PAX3: variants seen among roughly 807,000 people sequenced by gnomAD.
PAX3 encodes the protein paired box 3.
PAX3 carries 14 observed loss-of-function variants against 51.6 expected under a neutral mutation model. The ratio of observed to expected loss-of-function variants is 0.27; its 90% CI spans 0.18 to 0.42. The LOEUF (loss-of-function observed/expected upper bound fraction) is 0.42, where lower values mean the gene tolerates loss of function less well. Among genes scored for constraint, PAX3 ranks in the 10% least tolerant of loss-of-function variants. The pLI is 1.00. For missense variants in PAX3, 540 were observed against 642.8 expected, an observed-to-expected ratio of 0.84 and a Z score of 1.73; for synonymous variants, 280 against 253.4, an observed-to-expected ratio of 1.11 and a Z score of -1.00.
At position 222,297,244 on chromosome 2, in the gene PAX3, A is replaced by T. The variant is rs376941714; in HGVS notation, c.86-31T>A. Reference sequence around the variant, plus strand: ...GGAAGGTGAAAAAGAGAAGCAAGGGAAAAGTCACTGGAGGAAAATAAAAAG... The same window carrying T: ...GGAAGGTGAAAAAGAGAAGCAAGGGTAAAGTCACTGGAGGAAAATAAAAAG... On this transcript the variant is annotated intron_variant, in intron 1 of 8. Coordinates refer to ENST00000392070, the MANE Select transcript of PAX3 (RefSeq NM_181458.4). The T allele has an allele frequency of 6.4e-4, 943 of 1,474,142 alleles. 11 individuals carry two copies. The highest frequency in any genetic ancestry group is 6.1e-3 in the South Asian group (505 of 82,672). 91.3% of individuals were successfully genotyped at this position (1,474,142 alleles called of 1,614,324 possible).
intron 4 of PAX3, among the ~76,000 whole-genome samples, chr2:222,245,013 T>G (rs1324954253): frequency 6.6e-6 from 1 of 152,122 alleles, no homozygotes; most frequent in Non-Finnish European, 1.5e-5. Flanking sequence ...CTGGATATGA[T>G]GGTGCACACC....
intron 4 of PAX3, among the ~76,000 whole-genome samples, chr2:222,240,867 A>T (rs1388094786): frequency 6.6e-6 from 1 of 152,202 alleles, no homozygotes; most frequent in Non-Finnish European, 1.5e-5. Flanking sequence ...AATTGTTTTT[A>T]ACGGCTTTTT....
chr2:222,240,063 C>T (rs1158119687), intron 4 of PAX3, among the ~76,000 whole-genome samples: 1 of 152,046 alleles, frequency 6.6e-6, no homozygotes, highest in African/African-American at 2.4e-5. Flanking sequence ...AAATAAGCTC[C>T]TGCCAGGTTG....
chr2:222,215,094 C>T (rs2106060203), intron 7 of PAX3, among the ~76,000 whole-genome samples: 2 of 152,118 alleles, frequency 1.3e-5, no homozygotes, highest in Middle Eastern at 6.8e-3. Flanking sequence ...AACAGAACTT[C>T]CTCTTTTCAG....
rs1044472042 is a variant in PAX3 at position 222,254,777 on chromosome 2, A to G, written c.587-22494T>C. On this transcript the variant is annotated intron_variant, in intron 4 of 8. Transcript: ENST00000392070. ...TTTAAGGCTCACTATTAAGCTTTAC[A>G]TTTTCTATTCTTTTCTTTTTTCTGA... Among the ~76,000 whole-genome samples the G allele has an allele frequency of 7.6e-4, 115 of 152,128 alleles. 2 individuals carry two copies. Among genetic ancestry groups the G allele is most frequent in the Middle Eastern group, 6.8e-3 (2 of 294 alleles).
rs1695460650 is a variant in PAX3, at chr2:222,298,908, A to C, written c.-293T>G. The C allele has an allele frequency of 5.8e-6, 3 of 516,022 alleles. No individual in the cohort carries two copies. Among genetic ancestry groups the C allele is most frequent in the East Asian group, 3.4e-5 (1 of 29,834 alleles). The allele number at this position is 516,022 out of a possible 1,614,324, so 32.0% of individuals were successfully genotyped here. On this transcript the variant is annotated 5_prime_UTR_variant, in exon 1 of 9. Transcript: ENST00000392070. ...TGTTCCAGCGACTGGGGTCCCTGAA[A>C]AGGGGGCTCAGAGAGCCACGGCGAG...
intron 6 of PAX3, 108 bp downstream of exon 6, chr2:222,221,114 A>T: frequency 9.5e-7 from 1 of 1,048,122 alleles, no homozygotes; most frequent in Non-Finnish European, 1.5e-6. Context: ...GATGTATTAC[A>T]ATTAACAACA....
rs189139166 is a variant in PAX3 at position 222,295,503 on chromosome 2, G to C, written c.451+25C>G. On this transcript the variant is annotated intron_variant, in intron 3 of 8. Transcript: ENST00000392070. Reference sequence around the variant, plus strand: ...TAATAGCGACTGACTGTCGCGCCTCGGGGAGAGGTTAATGGGCCTAGTACC... The same window carrying C: ...TAATAGCGACTGACTGTCGCGCCTCCGGGAGAGGTTAATGGGCCTAGTACC... The C allele has an allele frequency of 1.1e-4, 171 of 1,613,962 alleles. 1 individual carries two copies. In the African/African-American group the frequency reaches 1.7e-3, roughly 16 times the overall value.
chr2:222,247,488 A>T (rs564303043), intron 4 of PAX3, among the ~76,000 whole-genome samples: 1 of 152,032 alleles, frequency 6.6e-6, no homozygotes, highest in African/African-American at 2.4e-5. Flanking sequence ...TCAGCAGAAA[A>T]CTCTTTACTC....
At chr2:222,243,958 C>G (rs1693115773) in intron 4 of PAX3, among the ~76,000 whole-genome samples, 1 of 152,154 alleles carries the variant, frequency 6.6e-6, no homozygotes, top group Non-Finnish European at 1.5e-5. Context: ...GGGATACCTA[C>G]TGTGCAAGAA....
At chr2:222,215,613 T>C (rs920766868) in intron 7 of PAX3, among the ~76,000 whole-genome samples, 1 of 152,144 alleles carries the variant, frequency 6.6e-6, no homozygotes, top group Non-Finnish European at 1.5e-5. Context: ...AAAGAAAAGT[T>C]AATTAGAAGA....
At chr2:222,227,397 A>G (rs1207797284) in intron 5 of PAX3, among the ~76,000 whole-genome samples, 1 of 152,140 alleles carries the variant, frequency 6.6e-6, no homozygotes, top group Non-Finnish European at 1.5e-5. Context: ...GGAGTTTGAG[A>G]CCAGCCTTGG....
intron 4 of PAX3, among the ~76,000 whole-genome samples, chr2:222,281,186 G>A (rs1694634071): frequency 6.6e-6 from 1 of 152,170 alleles, no homozygotes; most frequent in Non-Finnish European, 1.5e-5. Flanking sequence ...GGCACCATGA[G>A]GAAACCACCA....
chr2:222,274,723 A>G (rs1694361164), intron 4 of PAX3, among the ~76,000 whole-genome samples: 1 of 152,074 alleles, frequency 6.6e-6, no homozygotes, highest in African/African-American at 2.4e-5. Context: ...GAAAACATGG[A>G]AAAAAAATAA....
At chr2:222,292,748 A>G (rs549978996) in intron 4 of PAX3, among the ~76,000 whole-genome samples, 2 of 152,230 alleles carry the variant, frequency 1.3e-5, no homozygotes, top group Admixed American at 1.3e-4. Context: ...AAGGCAGAAA[A>G]ATGCACCTCT....
intron 4 of PAX3, among the ~76,000 whole-genome samples, chr2:222,281,985 A>C (rs1471306452): frequency 6.6e-6 from 1 of 152,180 alleles, no homozygotes; most frequent in African/African-American, 2.4e-5. Context: ...GGCACACTAC[A>C]TCCTGCACAT....
chr2:222,290,610 T>C (rs972203571), intron 4 of PAX3, among the ~76,000 whole-genome samples: 19 of 152,230 alleles, frequency 1.2e-4, no homozygotes, highest in Non-Finnish European at 2.6e-4. Flanking sequence ...TCAAAGCTGC[T>C]ACAACAAGTC....
At chr2:222,290,407 A>G (rs189938803) in intron 4 of PAX3, among the ~76,000 whole-genome samples, 175 of 152,330 alleles carry the variant, frequency 1.1e-3, no homozygotes, top group African/African-American at 4.0e-3. Flanking sequence ...AACAGATAGG[A>G]AAGGAATATA....
chr2:222,237,523 CAAT>C (rs762273908), intron 4 of PAX3, among the ~76,000 whole-genome samples: 35 of 152,116 alleles, frequency 2.3e-4, no homozygotes, highest in Non-Finnish European at 4.4e-4. Flanking sequence ...TATTATACAC[CAAT>C]CCAAACGATT....
Sources: allele counts gnomAD v4.1 joint callset (sites outside exome capture counted in the v4.1 genomes callset), GRCh38; gene constraint gnomAD v4.1.1; transcripts MANE v1.5; gene names NCBI Gene and HGNC (gene_info 2026-07-23, HGNC 2026-07-21).